The following VAT1L variants were observed in gnomAD, a reference collection of about 807,000 sequenced individuals.
VAT1L encodes the protein putative NADPH-dependent quinone oxidoreductase VAT1L.
VAT1L carries 34 observed loss-of-function variants against 44.1 expected under a neutral mutation model. The observed-to-expected ratio is 0.77, with a 90% CI of 0.59 to 1.03. The LOEUF (loss-of-function observed/expected upper bound fraction) is 1.03, where lower values mean the gene tolerates loss of function less well. Among genes scored for constraint, VAT1L ranks in the 50% least tolerant of loss-of-function variants. The pLI is 0.00. For missense variants in VAT1L, 615 were observed against 538.8 expected (o/e 1.14, Z -1.40); for synonymous variants, 253 against 202.2 (o/e 1.25, Z -2.13).
Position 77,806,996 on chromosome 16 carries a change from G to A in VAT1L, c.234-9925G>A, listed in dbSNP as rs558207990. On this transcript the variant is annotated intron_variant, in intron 1 of 8. Coordinates refer to ENST00000302536, the MANE Select transcript of VAT1L (RefSeq NM_020927.3). ...CTGTGAGAAGCACCTGATCCCAGCA[G>A]GTTCTTTCCCCTCCCTCTCATTCTT... Among the ~76,000 whole-genome samples the A allele has an allele frequency of 5.9e-5, 9 of 152,240 alleles. No individual in the cohort carries two copies. In the South Asian group the frequency reaches 1.0e-3, roughly 18 times the overall value.
intron 7 of VAT1L, among the ~76,000 whole-genome samples, chr16:77,934,923 C>A (rs768444452): frequency 4.1e-4 from 62 of 152,220 alleles, no homozygotes; most frequent in Admixed American, 6.5e-4. Context: ...GGAACAATTT[C>A]ACAGCAGCTT....
At chr16:77,902,193 T>A (rs1441420812) in intron 7 of VAT1L, among the ~76,000 whole-genome samples, 3 of 152,238 alleles carry the variant, frequency 2.0e-5, no homozygotes, top group Non-Finnish European at 2.9e-5. Flanking sequence ...ATCTTATTCC[T>A]TTCTTTATCC....
Position 77,879,333 on chromosome 16 carries a change from C to A in VAT1L, c.882+109C>A. The A allele has an allele frequency of 8.2e-7, 1 of 1,217,620 alleles. No individual in the cohort carries two copies. The highest frequency in any genetic ancestry group is 1.2e-6 in the Non-Finnish European group (1 of 828,258). 75.4% of individuals were successfully genotyped at this position (1,217,620 alleles called of 1,614,324 possible). Reference sequence around the variant, plus strand: ...TTGAGACAGCGTCTCGTTCTGTCACCAGGCTGGAGTGCAATGGCACGATCT... The same window carrying A: ...TTGAGACAGCGTCTCGTTCTGTCACAAGGCTGGAGTGCAATGGCACGATCT... On this transcript the variant is annotated intron_variant, in intron 6 of 8. Coordinates refer to ENST00000302536, the MANE Select transcript of VAT1L (RefSeq NM_020927.3). This position sits in a 1 kb window ranked among gnomAD's most constrained non-coding sequence, Gnocchi z 4.1.
chr16:77,798,951 C>T (rs925711616), intron 1 of VAT1L, among the ~76,000 whole-genome samples: 9 of 151,958 alleles, frequency 5.9e-5, no homozygotes, highest in Admixed American at 3.9e-4. Context: ...TAGGCTTTCT[C>T]CTCTCCTTCC....
intron 7 of VAT1L, among the ~76,000 whole-genome samples, chr16:77,899,537 CCA>C (rs977201591): frequency 6.6e-6 from 1 of 152,234 alleles, no homozygotes; most frequent in Non-Finnish European, 1.5e-5. Context: ...TATGGAAATG[CCA>C]CAGAGTGGGT....
chr16:77,847,488 C>T (rs76218225), intron 3 of VAT1L, among the ~76,000 whole-genome samples: 1 of 152,168 alleles, frequency 6.6e-6, no homozygotes. Flanking sequence ...CCCATGGGTG[C>T]ATTTCATTTT....
intron 3 of VAT1L, among the ~76,000 whole-genome samples, chr16:77,849,982 G>A (rs1162232426): frequency 6.6e-6 from 1 of 152,204 alleles, no homozygotes; most frequent in Non-Finnish European, 1.5e-5. Context: ...ACATCAGAAG[G>A]TGCTGAAACC....
intron 7 of VAT1L, among the ~76,000 whole-genome samples, chr16:77,896,186 T>C (rs1298007182): frequency 6.6e-6 from 1 of 152,220 alleles, no homozygotes; most frequent in Non-Finnish European, 1.5e-5. Flanking sequence ...TGAGCCTCCC[T>C]GCCTTTGTTC....
intron 2 of VAT1L, among the ~76,000 whole-genome samples, chr16:77,824,040 G>C (rs2016490352): frequency 6.6e-6 from 1 of 151,994 alleles, no homozygotes; most frequent in Non-Finnish European, 1.5e-5. Context: ...AAAAAGAAAA[G>C]AAAAAGAAAA....
chr16:77,846,274 T>C (rs1008025539), intron 3 of VAT1L, among the ~76,000 whole-genome samples: 3 of 152,202 alleles, frequency 2.0e-5, no homozygotes, highest in Non-Finnish European at 4.4e-5. Flanking sequence ...CAGTGACTGC[T>C]TGATTTCCCA....
At chr16:77,926,872 A>T (rs921881334) in intron 7 of VAT1L, among the ~76,000 whole-genome samples, 1 of 151,814 alleles carries the variant, frequency 6.6e-6, no homozygotes, top group East Asian at 1.9e-4. Context: ...CTAGAAAGAG[A>T]CTCTGGCTTC....
At chr16:77,867,903 T>C (rs1050042065) in intron 4 of VAT1L, among the ~76,000 whole-genome samples, 3 of 151,318 alleles carry the variant, frequency 2.0e-5, no homozygotes, top group African/African-American at 7.3e-5. Context: ...ACACAACATT[T>C]CAAAACATTG....
chr16:77,960,993 C>A (rs2018154421), intron 7 of VAT1L, among the ~76,000 whole-genome samples: 1 of 152,110 alleles, frequency 6.6e-6, no homozygotes, highest in African/African-American at 2.4e-5. Context: ...GGGTTGCAAT[C>A]CACTGGGGTT....
chr16:77,910,082 G>C (rs1201025372), intron 7 of VAT1L, among the ~76,000 whole-genome samples: 1 of 152,188 alleles, frequency 6.6e-6, no homozygotes, highest in Non-Finnish European at 1.5e-5. Flanking sequence ...ATTAGAGTTG[G>C]AATATTATTT....
At chr16:77,797,762 G>A (rs1170779701) in intron 1 of VAT1L, among the ~76,000 whole-genome samples, 1 of 152,192 alleles carries the variant, frequency 6.6e-6, no homozygotes, top group African/African-American at 2.4e-5. Flanking sequence ...CTTTTCCTAA[G>A]AGAGAGCCTT....
intron 1 of VAT1L, among the ~76,000 whole-genome samples, chr16:77,790,285 G>A (rs2015809743): frequency 6.6e-6 from 1 of 152,152 alleles, no homozygotes; most frequent in Non-Finnish European, 1.5e-5. Context: ...TCCGGGTAAG[G>A]GAAGAGGCTT....
intron 7 of VAT1L, among the ~76,000 whole-genome samples, chr16:77,927,114 G>A (rs896060224): frequency 6.6e-6 from 1 of 152,020 alleles, no homozygotes; most frequent in African/African-American, 2.4e-5. Context: ...CGAGGCAGGA[G>A]GATCACCAGG....
At chr16:77,926,257 TAA>T (rs34182080) in intron 7 of VAT1L, among the ~76,000 whole-genome samples, 13,707 of 112,772 alleles carry the variant, frequency 0.12, 806 homozygotes, top group South Asian at 0.19. Flanking sequence ...CGTCTCAAAG[TAA>T]AAAAAAAAAA....
intron 7 of VAT1L, among the ~76,000 whole-genome samples, chr16:77,963,305 G>C (rs542543398): frequency 6.6e-6 from 1 of 152,182 alleles, no homozygotes; most frequent in East Asian, 1.9e-4. Context: ...GGAGGCAGGA[G>C]GAGGGTGAGA....
Sources: allele counts gnomAD v4.1 joint callset (sites outside exome capture counted in the v4.1 genomes callset), GRCh38; gene constraint gnomAD v4.1.1; non-coding constraint Gnocchi (gnomAD v3.1); transcripts MANE v1.5; gene names NCBI Gene and HGNC (gene_info 2026-07-23, HGNC 2026-07-21).